The following POLR3A variants were observed in gnomAD, a reference collection of about 807,000 sequenced individuals.
POLR3A encodes DNA-directed RNA polymerase III subunit RPC1.
A neutral mutation model predicts 152.8 loss-of-function variants in POLR3A; 112 were observed. The observed-to-expected ratio is 0.73, with a 90% CI of 0.63 to 0.86. The LOEUF (loss-of-function observed/expected upper bound fraction) is 0.86. Among genes scored for constraint, POLR3A ranks in the 40% least tolerant of loss-of-function variants. The pLI is 0.00. For synonymous variants in POLR3A, 615 were observed against 652.1 expected (o/e 0.94, Z 0.87); for missense variants, 1,385 against 1,743.1 (o/e 0.79, Z 3.66).
chr10:78,024,535 A>G lies in POLR3A; in HGVS notation c.645+14T>C. On this transcript the variant is annotated intron_variant, in intron 5 of 30. Coordinates refer to ENST00000372371, the MANE Select transcript of POLR3A (RefSeq NM_007055.4). ...GGAGGCAGGCGGAAGGCAGGCGTGC[A>G]TTCTCAGGCTCACCTGTGCCCTTCC... 6.2e-7 allele frequency: 1 copy of G among 1,612,646 alleles called. No homozygotes were observed. Among genetic ancestry groups the G allele is most frequent in the Non-Finnish European group, 8.5e-7 (1 of 1,179,782 alleles).
At position 78,029,465 on chromosome 10, in the gene POLR3A, G is replaced by GC; in HGVS notation, c.-59dup. On this transcript the variant is annotated 5_prime_UTR_variant, in exon 1 of 31. Coordinates refer to ENST00000372371, the MANE Select transcript of POLR3A (RefSeq NM_007055.4). ...CGGGAGGCCAGATTAGAGAAACGAT[G>GC]CCCCCAGCACCTCCTGGGGCTGCTT... 6.3e-7 allele frequency: 1 copy of GC among 1,578,900 alleles called. No homozygotes were observed. Among genetic ancestry groups the GC allele is most frequent in the Non-Finnish European group, 8.7e-7 (1 of 1,149,292 alleles).
Position 78,022,308 on chromosome 10 carries a change from T to C in POLR3A, c.722A>G (p.Asn241Ser). 9 of 1,614,082 alleles carry C rather than the reference T, an allele frequency of 5.6e-6. No homozygotes were observed. The highest frequency in any genetic ancestry group is 7.6e-6 in the Non-Finnish European group (9 of 1,179,944). ...ATCAGACGGCTTTCCGGCTTCTGGG[T>C]TCATCAGAAGTAGAGGAACATCTTC... ...PAEDVPLLLM[N>S]PEAGKPSDLI... The change falls in exon 6 of 31, where the codon AAC (asparagine) becomes AGC (serine). Residue 241 changes from asparagine to serine, a missense_variant. Around this residue, in one of 7 missense-constraint regions of POLR3A, gnomAD observed 493 missense variants for 647.5 expected, o/e 0.76. Coordinates refer to ENST00000372371, the MANE Select transcript of POLR3A (RefSeq NM_007055.4).
intron 1 of POLR3A, among the ~76,000 whole-genome samples, chr10:78,029,016 C>A (rs755875705): frequency 1.3e-5 from 2 of 152,124 alleles, no homozygotes; most frequent in Admixed American, 1.3e-4. Flanking sequence ...AGTCCCCGCC[C>A]CAGATTGCTC....
At chr10:77,980,564 T>A (rs1326609207) in intron 29 of POLR3A, among the ~76,000 whole-genome samples, 2 of 151,776 alleles carry the variant, frequency 1.3e-5, no homozygotes, top group Non-Finnish European at 2.9e-5. Flanking sequence ...AGAGATTTCT[T>A]ATGGCTCAAA....
rs1259778579 is a variant in POLR3A, at chr10:77,991,134, T to A, written c.2821A>T (p.Ser941Cys). ...VFPCPSEPAL[S>C]KNELILTTES... ...GTGGTCAGGATCAGCTCGTTTTTGCTGAGAGCAGGCTCACTGGGACACGGG... is the reference window on the plus strand; with the variant it reads ...GTGGTCAGGATCAGCTCGTTTTTGCAGAGAGCAGGCTCACTGGGACACGGG... The change falls in exon 21 of 31, where the codon AGC becomes TGC. Residue 941 changes from serine to cysteine, a missense_variant. This residue lies in a region of POLR3A where 178 missense variants were observed against 204.6 expected (regional missense o/e 0.87). Coordinates refer to ENST00000372371, the MANE Select transcript of POLR3A (RefSeq NM_007055.4). The A allele has an allele frequency of 1.2e-6, 2 of 1,613,530 alleles. No individual in the cohort carries two copies. The highest frequency in any genetic ancestry group is 2.7e-5 in the African/African-American group (2 of 74,914).
In POLR3A at chr10:77,985,982, G is replaced by A. The variant is rs748576376; in HGVS notation, c.2992C>T (p.Arg998Cys). ...GINDNGTTEP[R>C]VLYQLDRITP... The stretch of plus-strand genomic sequence containing the variant: ...ATGCGGTCCAGCTGGTACAGCACAC[G>A]GGGCTGGGAGAATACAAGCCAAGCA... The change falls in exon 23 of 31, where the codon CGT becomes TGT. Residue 998 changes from arginine (R) to cysteine (C), a missense_variant. Physicochemically the swap from Arg to Cys is radical, Grantham distance 180. Around this residue, in one of 7 missense-constraint regions of POLR3A, gnomAD observed 178 missense variants for 204.6 expected, o/e 0.87. Coordinates refer to ENST00000372371, the MANE Select transcript of POLR3A (RefSeq NM_007055.4). The A allele has an allele frequency of 6.8e-6, 11 of 1,613,918 alleles. No homozygotes were observed. Among genetic ancestry groups the A allele is most frequent in the African/African-American group, 2.7e-5 (2 of 74,894 alleles).
At chr10:77,981,167 C>T (rs1277819798) in intron 29 of POLR3A, among the ~76,000 whole-genome samples, 1 of 152,100 alleles carries the variant, frequency 6.6e-6, no homozygotes, top group Admixed American at 6.5e-5. Context: ...AGGATGAGGA[C>T]GGAACCAAGC....
intron 20 of POLR3A, 86 bp downstream of exon 20, chr10:77,993,111 C>G: frequency 2.0e-6 from 2 of 976,052 alleles, no homozygotes; most frequent in Non-Finnish European, 3.3e-6. Flanking sequence ...TATTTATTAA[C>G]TGCAATTGAT....
rs780370634 is a variant in POLR3A at position 78,029,390 on chromosome 10, G to A, written c.18C>T (p.Phe6=). 2.4e-5 allele frequency: 38 copies of A among 1,614,078 alleles called. No individual in the cohort carries two copies. The highest frequency in any genetic ancestry group is 3.3e-5 in the Admixed American group (2 of 60,010). MVKEQ[F]RETDVAKKIS... The stretch of plus-strand genomic sequence containing the variant: ...TTTTCTTGGCCACATCCGTCTCCCG[G>A]AACTGCTCCTTCACCATGATGACCG... The change falls in exon 1 of 31, where the codon TTC becomes TTT. Residue 6 remains phenylalanine, a synonymous_variant. Transcript: ENST00000372371.
chr10:78,002,431 T>C lies in POLR3A; in HGVS notation c.2248-123A>G, dbSNP rs925454742. ...GGCAAGATGCCCGATTTCCGATCAGTAAATGTTTCAGAACCTTAGAGGAGC... is the reference window on the plus strand; with the variant it reads ...GGCAAGATGCCCGATTTCCGATCAGCAAATGTTTCAGAACCTTAGAGGAGC... On this transcript the variant is annotated intron_variant, in intron 16 of 30. Transcript: ENST00000372371. 3 of 747,998 alleles carry C rather than the reference T, an allele frequency of 4.0e-6. No individual in the cohort carries two copies. The African/African-American group carries it at 5.2e-5, about 13-fold the overall frequency. The allele number at this position is 747,998 out of a possible 1,614,324, so 46.3% of individuals were successfully genotyped here.
At position 77,985,327 on chromosome 10, in the gene POLR3A, G is replaced by C. The variant is rs772849272; in HGVS notation, c.3085C>G (p.Pro1029Ala). The C allele has an allele frequency of 1.2e-5, 19 of 1,613,834 alleles. No individual in the cohort carries two copies. Among genetic ancestry groups the C allele is most frequent in the Non-Finnish European group, 1.4e-5 (17 of 1,179,830 alleles). The change falls in exon 24 of 31, where the codon CCA (proline) becomes GCA (alanine). Residue 1029 changes from proline (P) to alanine (A), a missense_variant. Pro to Ala is a conservative substitution (Grantham distance 27, BLOSUM62 -1). Transcript: ENST00000372371. ...RDKYMRAQME[P>A]GSAVGALCAQ... Reference sequence around the variant, plus strand: ...CACAGAGCACCCACTGCAGAACCTGGCTCCATCTGTGCCCTAGAAGGCAAA... The same window carrying C: ...CACAGAGCACCCACTGCAGAACCTGCCTCCATCTGTGCCCTAGAAGGCAAA...
intron 27 of POLR3A, 47 bp from the exon 28 acceptor site, chr10:77,982,365 C>T (rs149024447): frequency 1.9e-6 from 3 of 1,578,644 alleles, no homozygotes; most frequent in African/African-American, 2.7e-5. Flanking sequence ...TGAGCCATGC[C>T]CTGGGCTGAT....
intron 19 of POLR3A, among the ~76,000 whole-genome samples, chr10:77,998,255 T>A (rs1465692575): frequency 2.0e-5 from 3 of 148,098 alleles, no homozygotes; most frequent in Non-Finnish European, 4.4e-5. Flanking sequence ...AAGGACTTCA[T>A]GTCTAAAACA....
chr10:78,002,053 A>T, intron 17 of POLR3A, 144 bp downstream of exon 17: 1 of 605,906 alleles, frequency 1.7e-6, no homozygotes, highest in East Asian at 2.8e-5. Flanking sequence ...CCAAAATGCA[A>T]ATAATTAAGT....
At chr10:78,022,110 A>G (rs1307117472) in intron 6 of POLR3A, 35 bp downstream of exon 6, 2 of 1,614,024 alleles carry the variant, frequency 1.2e-6, no homozygotes, top group Non-Finnish European at 1.7e-6. Flanking sequence ...GGATAGATAT[A>G]CTATGAAACT....
At position 77,982,777 on chromosome 10, in the gene POLR3A, T is replaced by C. The variant is rs1357440708; in HGVS notation, c.3470A>G (p.Lys1157Arg). 1.9e-6 allele frequency: 3 copies of C among 1,613,922 alleles called. No individual in the cohort carries two copies. Among genetic ancestry groups the C allele is most frequent in the Non-Finnish European group, 1.7e-6 (2 of 1,180,004 alleles). ...CACATCACCGGGCTTCACACGGAGCTTGGATGTGCAGATGGAATATCTCAC... is the reference window on the plus strand; with the variant it reads ...CACATCACCGGGCTTCACACGGAGCCTGGATGTGCAGATGGAATATCTCAC... ...ETVRYSICTSKLRVKPGDVAV... is the reference protein window; with the variant it reads ...ETVRYSICTSRLRVKPGDVAV... The change falls in exon 27 of 31, where the codon AAG (lysine) becomes AGG (arginine). Residue 1157 changes from lysine to arginine, a missense_variant. This residue lies in a region of POLR3A where 332 missense variants were observed against 400.1 expected (regional missense o/e 0.83). Coordinates refer to ENST00000372371, the MANE Select transcript of POLR3A (RefSeq NM_007055.4).
chr10:77,981,605 C>T (rs199631708), intron 28 of POLR3A, 46 bp from the exon 29 acceptor site: 118 of 1,609,512 alleles, frequency 7.3e-5, no homozygotes, highest in Non-Finnish European at 9.3e-5. Context: ...TCCGGGAGGC[C>T]ACTGCAAATT....
chr10:78,001,066 A>T lies in POLR3A; in HGVS notation c.2388T>A (p.Ile796=). 1 of 1,606,190 alleles carries T rather than the reference A, an allele frequency of 6.2e-7. No individual in the cohort carries two copies. Among genetic ancestry groups the T allele is most frequent in the Non-Finnish European group, 8.5e-7 (1 of 1,173,026 alleles). ...KGSFINISQM[I]ACVGQQAISG... ...TGATGGCCTGCTGTCCCACACAGGC[A>T]ATCATCTGTGATATGTTAATGAAGG... The change falls in exon 18 of 31, where the codon ATT becomes ATA. Residue 796 remains isoleucine, a synonymous_variant. Transcript: ENST00000372371.
intron 24 of POLR3A, 124 bp from the exon 25 acceptor site, chr10:77,984,422 C>T: frequency 1.4e-6 from 1 of 706,264 alleles, no homozygotes; most frequent in Non-Finnish European, 2.6e-6. Flanking sequence ...GTTTACTGAG[C>T]AAGCTCTGCC....
Sources: gnomAD v4.1 joint callset for allele counts (sites outside exome capture counted in the v4.1 genomes callset) on GRCh38, gnomAD v4.1.1 for gene constraint, gnomAD v4.1.1 regional missense constraint, MANE v1.5 for transcripts, NCBI Gene and HGNC (gene_info 2026-07-23, HGNC 2026-07-21) for gene names.